SPTB: variants seen among roughly 807,000 people sequenced by gnomAD.
SPTB encodes spectrin beta, erythrocytic, also known as spectrin beta chain, erythrocytic.
SPTB carries 45 observed loss-of-function variants against 256.2 expected under a neutral mutation model. The observed-to-expected ratio is 0.18, with a 90% CI of 0.14 to 0.23. The LOEUF is 0.23. Ranked by LOEUF, SPTB falls within the 10% of genes least tolerant of loss-of-function variation. The pLI is 1.00. For synonymous variants in SPTB, 1,231 were observed against 1,243.1 expected, an observed-to-expected ratio of 0.99 and a Z score of 0.21; for missense variants, 2,715 against 3,040.4, an observed-to-expected ratio of 0.89 and a Z score of 2.52.
At position 64,784,322 on chromosome 14, in the gene SPTB, G is replaced by A; in HGVS notation, c.3927C>T (p.His1309=). 1 of 1,614,254 alleles carries A rather than the reference G, an allele frequency of 6.2e-7. No individual in the cohort carries two copies. ...ACGCCTGGTGCTTTAGCCATTTATT[G>A]TGAAGGTTTCGTGCTTCATCATAGG... The part of the protein sequence containing the change: ...DVSYDEARNL[H]NKWLKHQAFV... Residue 1309 remains histidine, a synonymous_variant, in exon 19 of 36, where the codon CAC becomes CAT. Transcript: ENST00000644917.
At chr14:64,753,964 C>A (rs2081987743) in intron 32 of SPTB, 171 bp from the exon 33 acceptor site, 2 of 818,580 alleles carry the variant, frequency 2.4e-6, no homozygotes, top group Non-Finnish European at 4.0e-6. Flanking sequence ...GCTATGGGTG[C>A]CCCCTTGCTT....
In SPTB at chr14:64,823,697, G is replaced by T. The variant is rs1352763818; in HGVS notation, c.-51-552C>A. ...GCCACCAGCCCGGGGCAGCTGCACT[G>T]GGGGGACTTCACTCCTCCCGGAGGC... is the stretch of plus-strand genomic sequence containing the variant. On this transcript the variant is annotated intron_variant, in intron 1 of 35. Transcript: ENST00000644917. The surrounding 1 kb of genome is among the most constrained non-coding windows in gnomAD (Gnocchi z 6.5). Among the ~76,000 whole-genome samples the T allele has an allele frequency of 6.6e-6, 1 of 152,186 alleles. No homozygotes were observed. The highest frequency in any genetic ancestry group is 6.5e-5 in the Admixed American group (1 of 15,274).
chr14:64,774,038 A>C (rs2082318511), intron 24 of SPTB, among the ~76,000 whole-genome samples: 1 of 152,188 alleles, frequency 6.6e-6, no homozygotes, highest in South Asian at 2.1e-4. Flanking sequence ...CTGGACTGTG[A>C]AGTCCTGGAG....
chr14:64,754,150 C>G (rs2081990732), intron 32 of SPTB: 1 of 404,158 alleles, frequency 2.5e-6, no homozygotes, highest in African/African-American at 2.0e-5. Flanking sequence ...TCCAATGCTG[C>G]TGGCAAAGCT....
chr14:64,772,813 C>T lies in SPTB; in HGVS notation c.5320G>A (p.Gly1774Arg), dbSNP rs1389090249. 2.5e-6 allele frequency: 4 copies of T among 1,613,820 alleles called. No homozygotes were observed. Among genetic ancestry groups the T allele is most frequent in the Non-Finnish European group, 3.4e-6 (4 of 1,180,038 alleles). Reference sequence around the variant, plus strand: ...AGGTCTGCCCACATCTCGTTCAGCCCGTCCTTCCACTCGGCGATGGTGGCC... The same window carrying T: ...AGGTCTGCCCACATCTCGTTCAGCCTGTCCTTCCACTCGGCGATGGTGGCC... The part of the protein sequence containing the change: ...EAATIAEWKD[G>R]LNEMWADLLE... Residue 1774 changes from glycine to arginine, a missense_variant, in exon 26 of 36, where the codon GGG (glycine) becomes AGG (arginine). By Grantham distance (125) the Gly-to-Arg change is moderately radical (BLOSUM62 -2). Around this residue, in one of 4 missense-constraint regions of SPTB, gnomAD observed 2,239 missense variants for 2,384.4 expected, o/e 0.94. Coordinates refer to ENST00000644917, the MANE Select transcript of SPTB (RefSeq NM_001355436.2). This position sits in a 1 kb window ranked among gnomAD's most constrained non-coding sequence, Gnocchi z 5.4.
At chr14:64,753,139 T>C (rs924298137) in intron 33 of SPTB, among the ~76,000 whole-genome samples, 1 of 152,110 alleles carries the variant, frequency 6.6e-6, no homozygotes, top group Admixed American at 6.5e-5. Flanking sequence ...TGCCAAGACC[T>C]ACCTAACCTT....
chr14:64,822,407 G>GAGAGGGTGGGGGTGGAGA (rs1298095258), intron 2 of SPTB, among the ~76,000 whole-genome samples: 1 of 13,060 alleles, frequency 7.7e-5, no homozygotes, highest in African/African-American at 1.6e-4. Flanking sequence ...CACACAGAGA[G>GAGAGGGTGGGGGTGGAGA]ATCTATTATG....
rs563699154 is a variant in SPTB, at chr14:64,801,468, A to T, written c.648-68T>A. ...TCCCCACCAGGAGGGCAGCCCTAGCATGAAGCAGACATTGTACAGAGGCAG... is the reference window on the plus strand; with the variant it reads ...TCCCCACCAGGAGGGCAGCCCTAGCTTGAAGCAGACATTGTACAGAGGCAG... On this transcript the variant is annotated intron_variant, in intron 6 of 35. Transcript: ENST00000644917. 4.2e-6 allele frequency: 5 copies of T among 1,186,138 alleles called. No homozygotes were observed. In the African/African-American group the frequency reaches 7.5e-5, roughly 18 times the overall value. 73.5% of individuals were successfully genotyped at this position (1,186,138 alleles called of 1,614,324 possible). A position where few individuals can be genotyped will look rare whatever the true frequency, so the allele number is the denominator to read the frequency against.
chr14:64,871,359 A>G (rs557405206), intron 1 of SPTB, among the ~76,000 whole-genome samples: 2 of 152,314 alleles, frequency 1.3e-5, no homozygotes, highest in South Asian at 4.1e-4. Flanking sequence ...AAAGTGGTAA[A>G]AGAGTAGAAA....
At chr14:64,768,670 C>A (rs2082229355) in intron 29 of SPTB, among the ~76,000 whole-genome samples, 1 of 151,816 alleles carries the variant, frequency 6.6e-6, no homozygotes, top group Non-Finnish European at 1.5e-5. Context: ...CCCAACTCCT[C>A]CCCCGGACCC....
intron 1 of SPTB, among the ~76,000 whole-genome samples, chr14:64,869,709 C>T (rs1191014498): frequency 6.7e-6 from 1 of 148,952 alleles, no homozygotes; most frequent in African/African-American, 2.5e-5. Flanking sequence ...GCAGCCTCAA[C>T]TTTCCTGGGC....
chr14:64,819,873 A>G (rs746681291), intron 2 of SPTB, among the ~76,000 whole-genome samples: 1 of 152,228 alleles, frequency 6.6e-6, no homozygotes, highest in Non-Finnish European at 1.5e-5. Flanking sequence ...ATTTTATTAT[A>G]AATAAAAACT....
At position 64,766,575 on chromosome 14, in the gene SPTB, C is replaced by G; in HGVS notation, c.6345+151G>C. On this transcript the variant is annotated intron_variant, in intron 32 of 35. Transcript: ENST00000644917. ...CACCTCAGTGAGGACGTAGCCTGCT[C>G]TGCTGGGAGGTGGCTGCAGGGATGT... 8 of 1,593,346 alleles carry G rather than the reference C, an allele frequency of 5.0e-6. No homozygotes were observed. In the South Asian group the frequency reaches 8.9e-5, roughly 18 times the overall value.
chr14:64,818,351 G>A (rs368762464), intron 2 of SPTB, among the ~76,000 whole-genome samples: 11 of 152,334 alleles, frequency 7.2e-5, no homozygotes, highest in African/African-American at 1.7e-4. Context: ...CGCAGCGGGC[G>A]GCACATGGGA....
At chr14:64,834,155 T>C (rs542756285) in intron 1 of SPTB, among the ~76,000 whole-genome samples, 1 of 151,630 alleles carries the variant, frequency 6.6e-6, no homozygotes, top group Admixed American at 6.6e-5. Context: ...GCCTCCCAAG[T>C]AGCTGGGACT....
intron 13 of SPTB, among the ~76,000 whole-genome samples, chr14:64,794,146 C>T (rs229590): frequency 8.9e-4 from 136 of 152,242 alleles, no homozygotes; most frequent in African/African-American, 3.1e-3. Context: ...AAAAAAATTT[C>T]AAGGTCATTC....
intron 18 of SPTB, among the ~76,000 whole-genome samples, chr14:64,784,597 G>A (rs1594772554): frequency 1.3e-5 from 2 of 152,336 alleles, no homozygotes; most frequent in Admixed American, 1.3e-4. Flanking sequence ...TGTGGGCACA[G>A]GTGCATCTTC....
Position 64,749,680 on chromosome 14 carries a change from C to G in SPTB, c.6793G>C (p.Glu2265Gln). 1 of 1,613,856 alleles carries G rather than the reference C, an allele frequency of 6.2e-7. No homozygotes were observed. Among genetic ancestry groups the G allele is most frequent in the Non-Finnish European group, 8.5e-7 (1 of 1,179,978 alleles). Residue 2265 changes from glutamate to glutamine, a missense_variant, in exon 35 of 36, where the codon GAG (glutamate) becomes CAG (glutamine). Coordinates refer to ENST00000644917, the MANE Select transcript of SPTB (RefSeq NM_001355436.2). The surrounding 1 kb of genome is among the most constrained non-coding windows in gnomAD (Gnocchi z 4.7). Reference protein sequence around the residue: ...VFKLRLSNGSEWLFHGKDEEE... With the variant: ...VFKLRLSNGSQWLFHGKDEEE... ...TCATCCTTGCCATGGAAGAGCCACT[C>G]GCTGCCATTACTCAGCCTAGGAGGA...
chr14:64,752,894 C>A (rs991397833), intron 33 of SPTB, among the ~76,000 whole-genome samples: 3 of 152,014 alleles, frequency 2.0e-5, no homozygotes, highest in African/African-American at 4.8e-5. Flanking sequence ...CCTGGGGGCC[C>A]CAGGCAGAGA....
Sources: allele counts gnomAD v4.1 joint callset (sites outside exome capture counted in the v4.1 genomes callset), GRCh38; gene constraint gnomAD v4.1.1; regional missense constraint gnomAD v4.1.1; non-coding constraint Gnocchi (gnomAD v3.1); transcripts MANE v1.5; gene names NCBI Gene and HGNC (gene_info 2026-07-23, HGNC 2026-07-21).